Variants in USP7 observed in about 807,000 individuals in gnomAD.
USP7 encodes the protein ubiquitin specific peptidase 7.
A neutral mutation model predicts 162.9 loss-of-function variants in USP7; 9 were observed. The ratio of observed to expected loss-of-function variants is 0.06; its 90% CI spans 0.03 to 0.10. The LOEUF (loss-of-function observed/expected upper bound fraction) is 0.10, where lower values mean the gene tolerates loss of function less well. Among genes scored for constraint, USP7 ranks in the 10% least tolerant of loss-of-function variants. USP7 has a pLI of 1.00. For missense variants in USP7, 715 were observed against 1,373.7 expected, an observed-to-expected ratio of 0.52 and a Z score of 7.58; for synonymous variants, 562 against 475.9, an observed-to-expected ratio of 1.18 and a Z score of -2.35.
chr16:8,917,587 C>G (rs1011091912), intron 6 of USP7, among the ~76,000 whole-genome samples: 14 of 152,116 alleles, frequency 9.2e-5, no homozygotes, highest in Non-Finnish European at 1.8e-4. Flanking sequence ...CCATTTTGGC[C>G]AGACTGGACT....
At chr16:8,914,344 C>A (rs1217800586) in intron 10 of USP7, among the ~76,000 whole-genome samples, 2 of 151,854 alleles carry the variant, frequency 1.3e-5, no homozygotes, top group Non-Finnish European at 2.9e-5. Flanking sequence ...AATTGATAAA[C>A]CACTTTGGGA....
At chr16:8,941,356 T>C (rs1467707148) in intron 1 of USP7, among the ~76,000 whole-genome samples, 1 of 152,238 alleles carries the variant, frequency 6.6e-6, no homozygotes, top group Non-Finnish European at 1.5e-5. Context: ...ATACCCTACA[T>C]ATCCTGCAGT....
At chr16:8,918,836 C>G (rs778374898) in intron 6 of USP7, among the ~76,000 whole-genome samples, 195 bp downstream of exon 6, 5 of 152,092 alleles carry the variant, frequency 3.3e-5, no homozygotes, top group Non-Finnish European at 7.4e-5. Flanking sequence ...GCGGTGGTAA[C>G]TCTGAATCAC....
At chr16:8,909,658 T>C (rs1451180674) in intron 11 of USP7, among the ~76,000 whole-genome samples, 1 of 152,216 alleles carries the variant, frequency 6.6e-6, no homozygotes, top group African/African-American at 2.4e-5. Context: ...GATGAGCAAG[T>C]GGCTCATGCC....
intron 25 of USP7, among the ~76,000 whole-genome samples, chr16:8,897,721 A>ATATAT (rs1366297389): frequency 1.7e-5 from 1 of 59,788 alleles, no homozygotes; most frequent in Non-Finnish European, 3.1e-5. Flanking sequence ...AAAAAAAAAA[A>ATATAT]AAAAAATATA....
intron 1 of USP7, among the ~76,000 whole-genome samples, chr16:8,941,551 G>A (rs192996419): frequency 1.8e-3 from 281 of 152,302 alleles, no homozygotes; most frequent in Middle Eastern, 3.4e-3. Context: ...AACACATTTC[G>A]GCTTTTTTGT....
Position 8,963,278 on chromosome 16 carries a change from T to A in USP7, c.8A>T (p.His3Leu). Residue 3 changes from histidine to leucine, a missense_variant, in exon 1 of 31, where the codon CAC becomes CTC. Physicochemically the swap from His to Leu is moderately conservative, Grantham distance 99. This residue lies in a region of USP7 where 137 missense variants were observed against 123.5 expected (regional missense o/e 1.11). Coordinates refer to ENST00000344836, the MANE Select transcript of USP7 (RefSeq NM_003470.3). ...TTTCTGCTGCTGCTGCTGCTGCTGG[T>A]GGTTCATGTCGGCCGCGGCCTGGGC... is the stretch of plus-strand genomic sequence containing the variant. MN[H>L]QQQQQQQKAG... is the part of the protein sequence containing the mutation. 7.5e-7 allele frequency: 1 copy of A among 1,328,382 alleles called. No individual in the cohort carries two copies. The highest frequency in any genetic ancestry group is 9.8e-7 in the Non-Finnish European group (1 of 1,023,966). 82.3% of individuals were successfully genotyped at this position (1,328,382 alleles called of 1,614,324 possible). A position where few individuals can be genotyped will look rare whatever the true frequency, so the allele number is the denominator to read the frequency against.
rs2061759161 is a variant in USP7 at position 8,900,635 on chromosome 16, A to G, written c.2209-5T>C. The G allele has an allele frequency of 1.3e-6, 2 of 1,598,064 alleles. No individual in the cohort carries two copies. Among genetic ancestry groups the G allele is most frequent in the South Asian group, 1.1e-5 (1 of 88,658 alleles). ...TGTTAAATTCGGTTTAACTTCCTAC[A>G]GTGAAAGATATAAAATTGTTACACT... On this transcript the variant is annotated splice_polypyrimidine_tract_variant and splice_region_variant and intron_variant, in intron 20 of 30. Coordinates refer to ENST00000344836, the MANE Select transcript of USP7 (RefSeq NM_003470.3).
At chr16:8,910,214 G>C (rs1203873175) in intron 11 of USP7, among the ~76,000 whole-genome samples, 2 of 152,092 alleles carry the variant, frequency 1.3e-5, no homozygotes, top group Admixed American at 6.5e-5. Context: ...GCCAGAAACA[G>C]CCCATTTCCC....
rs773298982 is a variant in USP7, at chr16:8,920,456, C to A, written c.523-9G>T. ...TCAGGATCGGTCACTTCCTATAAAA[C>A]ATAAATAAGAATATCCAGCTTGAAT... On this transcript the variant is annotated splice_polypyrimidine_tract_variant and intron_variant, in intron 4 of 30. Transcript: ENST00000344836. 10 of 1,604,980 alleles carry A rather than the reference C, an allele frequency of 6.2e-6. No individual in the cohort carries two copies. Among genetic ancestry groups the A allele is most frequent in the Non-Finnish European group, 8.5e-6 (10 of 1,175,882 alleles).
rs1369998364 is a variant in USP7, at chr16:8,901,249, A to C, written c.2048-15T>G. On this transcript the variant is annotated splice_polypyrimidine_tract_variant and intron_variant, in intron 18 of 30. Coordinates refer to ENST00000344836, the MANE Select transcript of USP7 (RefSeq NM_003470.3). ...CATTACATCATCTACAAGGTTAATAAACAAGTTTTGTTAAGATCCAAACAC... is the reference window on the plus strand; with the variant it reads ...CATTACATCATCTACAAGGTTAATACACAAGTTTTGTTAAGATCCAAACAC... 2 of 1,594,028 alleles carry C rather than the reference A, an allele frequency of 1.3e-6. No homozygotes were observed. Among genetic ancestry groups the C allele is most frequent in the Non-Finnish European group, 1.7e-6 (2 of 1,162,050 alleles).
chr16:8,929,886 T>C (rs1898221778), intron 2 of USP7, among the ~76,000 whole-genome samples: 1 of 152,166 alleles, frequency 6.6e-6, no homozygotes, highest in African/African-American at 2.4e-5. Flanking sequence ...GATTCATAGC[T>C]ATCATCAACT....
At chr16:8,929,119 C>T (rs761059024) in intron 2 of USP7, among the ~76,000 whole-genome samples, 1 of 152,144 alleles carries the variant, frequency 6.6e-6, no homozygotes, top group African/African-American at 2.4e-5. Context: ...CGGAATGTTC[C>T]GATAGGGCAG....
At chr16:8,910,858 C>T in intron 10 of USP7, 31 bp from the exon 11 acceptor site, 1 of 1,571,880 alleles carries the variant, frequency 6.4e-7, no homozygotes, top group Non-Finnish European at 8.7e-7. Context: ...AAGTCAAGTG[C>T]TAAAGCTTCA....
At chr16:8,897,914 A>G (rs1345675421) in intron 25 of USP7, among the ~76,000 whole-genome samples, 1 of 150,880 alleles carries the variant, frequency 6.6e-6, no homozygotes, top group Non-Finnish European at 1.5e-5. Context: ...AGAACCACCT[A>G]AAATGTGGCT....
At chr16:8,960,562 T>C (rs971488323) in intron 1 of USP7, among the ~76,000 whole-genome samples, 1 of 152,084 alleles carries the variant, frequency 6.6e-6, no homozygotes, top group African/African-American at 2.4e-5. Flanking sequence ...ATGCTCCAGG[T>C]TTACAAAGCC....
chr16:8,947,187 AT>A (rs1899323388), intron 1 of USP7, among the ~76,000 whole-genome samples: 1 of 152,174 alleles, frequency 6.6e-6, no homozygotes, highest in South Asian at 2.1e-4. Context: ...GAAGTCTTCT[AT>A]TACAACAGAC....
Position 8,920,406 on chromosome 16 carries a change from T to G in USP7, c.564A>C (p.Lys188Asn). Residue 188 changes from lysine to asparagine, a missense_variant, in exon 5 of 31, where the codon AAA becomes AAC. Lys to Asn is a moderately conservative substitution (Grantham distance 94). Transcript: ENST00000344836. ...CCTGTACAAAGACTTCAAAGGTAAC[T>G]TTGTCATCATCTATAAATCCTTTCT... is the stretch of plus-strand genomic sequence containing the variant. ...DPEKGFIDDD[K>N]VTFEVFVQAD... is the part of the protein sequence containing the mutation. 1 of 1,613,660 alleles carries G rather than the reference T, an allele frequency of 6.2e-7. No individual in the cohort carries two copies. Among genetic ancestry groups the G allele is most frequent in the Non-Finnish European group, 8.5e-7 (1 of 1,179,916 alleles).
intron 1 of USP7, among the ~76,000 whole-genome samples, chr16:8,938,334 A>G (rs1218032526): frequency 8.7e-6 from 1 of 114,382 alleles, no homozygotes; most frequent in African/African-American, 4.2e-5. Context: ...AAGAAATAAC[A>G]CAGTCAAAAA....
Sources: gnomAD v4.1 joint callset for allele counts (sites outside exome capture counted in the v4.1 genomes callset) on GRCh38, gnomAD v4.1.1 for gene constraint, gnomAD v4.1.1 regional missense constraint, MANE v1.5 for transcripts, NCBI Gene and HGNC (gene_info 2026-07-23, HGNC 2026-07-21) for gene names.